ABCA1: variants seen among roughly 807,000 people sequenced by gnomAD.
ABCA1 encodes phospholipid-transporting ATPase ABCA1.
Under a neutral mutation model 262.5 loss-of-function variants are expected in ABCA1, and 133 were observed. The ratio of observed to expected loss-of-function variants is 0.51; its 90% CI spans 0.44 to 0.59. ABCA1 has a LOEUF of 0.59. Among genes scored for constraint, ABCA1 ranks in the 20% least tolerant of loss-of-function variants. The pLI is 0.00. For missense variants in ABCA1, 2,452 were observed against 2,777.5 expected, an observed-to-expected ratio of 0.88 and a Z score of 2.63; for synonymous variants, 1,022 against 1,043.5, an observed-to-expected ratio of 0.98 and a Z score of 0.40.
chr9:104,798,523 G>C lies in ABCA1; in HGVS notation c.5019C>G (p.Val1673=), dbSNP rs371136175. ...FAMSFVPASF[V]VFLIQERVSK... ...TGACCCGCTCCTGGATCAGGAATAC[G>C]ACAAAGCTGGCTGGGACGAAGGACA... Residue 1673 remains valine (V), a synonymous_variant, in exon 37 of 50, where the codon GTC becomes GTG. Transcript: ENST00000374736. The C allele has an allele frequency of 1.2e-6, 2 of 1,614,030 alleles. No homozygotes were observed. Among genetic ancestry groups the C allele is most frequent in the Non-Finnish European group, 8.5e-7 (1 of 1,180,018 alleles).
chr9:104,799,839 C>G lies in ABCA1; in HGVS notation c.4923G>C (p.Gln1641His). Residue 1641 changes from glutamine (Q) to histidine (H), a missense_variant, in exon 36 of 50, where the codon CAG becomes CAC. Around this residue, in one of 4 missense-constraint regions of ABCA1, gnomAD observed 752 missense variants for 944.5 expected, o/e 0.80. Coordinates refer to ENST00000374736, the MANE Select transcript of ABCA1 (RefSeq NM_005502.4). ...AFNHPLNLTK[Q>H]QLSEVALMTT... Reference sequence around the variant, plus strand: ...CTTACAGAGCCACCTCTGAGAGCTGCTGCTTGGTGAGATTCAGGGGATGAT... The same window carrying G: ...CTTACAGAGCCACCTCTGAGAGCTGGTGCTTGGTGAGATTCAGGGGATGAT... The G allele has an allele frequency of 6.2e-7, 1 of 1,614,200 alleles. No homozygotes were observed.
chr9:104,844,946 G>A (rs1192223277), intron 8 of ABCA1, among the ~76,000 whole-genome samples: 1 of 152,210 alleles, frequency 6.6e-6, no homozygotes, highest in Non-Finnish European at 1.5e-5. Context: ...TTGTCAACAT[G>A]TGGACCTAAA....
At position 104,884,859 on chromosome 9, in the gene ABCA1, CA is replaced by C. The variant is rs535709539; in HGVS notation, c.161-292del. Among the ~76,000 whole-genome samples the C allele has an allele frequency of 5.3e-3, 801 of 152,312 alleles. 4 individuals carry two copies. Among genetic ancestry groups the C allele is most frequent in the African/African-American group, 0.018 (735 of 41,578 alleles). The stretch of plus-strand genomic sequence containing the variant: ...CCTGGCATCCTTAGTTCCTCTTTGA[CA>C]GCCAGCCTCAGCTCTCAGACATAGA... On this transcript the variant is annotated intron_variant, in intron 3 of 49. Coordinates refer to ENST00000374736, the MANE Select transcript of ABCA1 (RefSeq NM_005502.4).
chr9:104,880,283 T>C (rs1439136960), intron 5 of ABCA1, among the ~76,000 whole-genome samples: 1 of 152,186 alleles, frequency 6.6e-6, no homozygotes, highest in Non-Finnish European at 1.5e-5. Context: ...TGGGGATCCA[T>C]ACTGACATAT....
chr9:104,859,964 G>C (rs1038156783), intron 6 of ABCA1, among the ~76,000 whole-genome samples: 1 of 148,300 alleles, frequency 6.7e-6, no homozygotes, highest in Non-Finnish European at 1.5e-5. Flanking sequence ...CTGAAGCAGA[G>C]AATCACTTGA....
chr9:104,862,416 T>TTTCAAGCAAGAATCAAAC (rs534562831), intron 5 of ABCA1, among the ~76,000 whole-genome samples: 2 of 151,782 alleles, frequency 1.3e-5, no homozygotes, highest in African/African-American at 4.8e-5. Flanking sequence ...GTCTTTCTCT[T>TTTCAAGCAAGAATCAAAC]CTAAATGATC....
intron 15 of ABCA1, among the ~76,000 whole-genome samples, chr9:104,827,821 T>C (rs1340672528): frequency 6.6e-6 from 1 of 152,204 alleles, no homozygotes; most frequent in Non-Finnish European, 1.5e-5. Flanking sequence ...TATCCTACTG[T>C]GGAACCTCAA....
At chr9:104,873,696 A>G (rs2119145467) in intron 5 of ABCA1, among the ~76,000 whole-genome samples, 1 of 152,294 alleles carries the variant, frequency 6.6e-6, no homozygotes, top group East Asian at 1.9e-4. Flanking sequence ...TATCCCCTGC[A>G]TTTTATGATG....
Position 104,832,731 on chromosome 9 carries a change from T to A in ABCA1, c.1352A>T (p.Gln451Leu). The A allele has an allele frequency of 6.2e-7, 1 of 1,614,234 alleles. No homozygotes were observed. The highest frequency in any genetic ancestry group is 1.1e-5 in the South Asian group (1 of 91,090). The change falls in exon 12 of 50, where the codon CAG (glutamine) becomes CTG (leucine). Residue 451 changes from glutamine to leucine, a missense_variant. By Grantham distance (113) the Gln-to-Leu change is moderately radical. Transcript: ENST00000374736. ...DSRDNDHFWE[Q>L]QLDGLDWTAQ... The stretch of plus-strand genomic sequence containing the variant: ...TGTCCAATCTAAGCCATCCAACTGC[T>A]GTTCCCAAAAGTGGTCATTGTCCCT...
chr9:104,825,274 G>A (rs1313191750), intron 17 of ABCA1, among the ~76,000 whole-genome samples: 2 of 152,160 alleles, frequency 1.3e-5, no homozygotes, highest in Non-Finnish European at 2.9e-5. Context: ...GATTCGCCTG[G>A]GCTTATTGAC....
At position 104,781,680 on chromosome 9, in the gene ABCA1, T is replaced by C. The variant is rs1241172343; in HGVS notation, c.*2635A>G. 10 of 152,626 alleles carry C rather than the reference T, an allele frequency of 6.6e-5. No homozygotes were observed. The highest frequency in any genetic ancestry group is 6.5e-4 in the Admixed American group (10 of 15,290). 9.5% of individuals were successfully genotyped at this position (152,626 alleles called of 1,614,324 possible). A position where few individuals can be genotyped will look rare whatever the true frequency, so the allele number is the denominator to read the frequency against. On this transcript the variant is annotated 3_prime_UTR_variant, in exon 50 of 50. Transcript: ENST00000374736. Reference sequence around the variant, plus strand: ...ATGAATTGTGCTGGGCATTTATGTATAGAGGGCTTATTATTTTCTTCTGTA... The same window carrying C: ...ATGAATTGTGCTGGGCATTTATGTACAGAGGGCTTATTATTTTCTTCTGTA...
At chr9:104,925,375 CAA>C (rs576630245) in intron 1 of ABCA1, among the ~76,000 whole-genome samples, 6 of 123,164 alleles carry the variant, frequency 4.9e-5, no homozygotes, top group Non-Finnish European at 5.1e-5. Flanking sequence ...GACTGCATCT[CAA>C]AAAAAAAAAA....
At position 104,831,771 on chromosome 9, in the gene ABCA1, C is replaced by T. The variant is rs764419635; in HGVS notation, c.1566G>A (p.Lys522=). ...PIATEVWLIN[K]SMELLDERKF... ...TCCTCTCATCCAGCAGCTCCATGGA[C>T]TTGTTGATGAGCCAGACTTCTGTTG... is the stretch of plus-strand genomic sequence containing the variant. Residue 522 remains lysine (K), a synonymous_variant, in exon 13 of 50, where the codon AAG becomes AAA. Transcript: ENST00000374736. 9 of 1,614,194 alleles carry T rather than the reference C, an allele frequency of 5.6e-6. No homozygotes were observed. The East Asian group carries it at 1.8e-4, about 32-fold the overall frequency.
Position 104,833,996 on chromosome 9 carries a change from G to A in ABCA1, c.1312-1225C>T, listed in dbSNP as rs560875311. Among the ~76,000 whole-genome samples the A allele has an allele frequency of 1.3e-5, 2 of 150,638 alleles. 1 individual carries two copies. Among genetic ancestry groups the A allele is most frequent in the Admixed American group, 1.3e-4 (2 of 15,038 alleles). On this transcript the variant is annotated intron_variant, in intron 11 of 49. Coordinates refer to ENST00000374736, the MANE Select transcript of ABCA1 (RefSeq NM_005502.4). ...CTCCTGTCACAGCTTCGACAGAGAA[G>A]ATGAAGCTCTGGTTCTACCGAATTG...
chr9:104,788,081 T>G, intron 45 of ABCA1, 27 bp from the exon 46 acceptor site: 1 of 1,611,782 alleles, frequency 6.2e-7, no homozygotes, highest in Non-Finnish European at 8.5e-7. Context: ...CACCTTGACT[T>G]TGGTCTGGCT....
In ABCA1 at chr9:104,822,537, G is replaced by T. The variant is rs1371725719; in HGVS notation, c.2787C>A (p.Thr929=). 6.2e-7 allele frequency: 1 copy of T among 1,614,036 alleles called. No individual in the cohort carries two copies. Among genetic ancestry groups the T allele is most frequent in the African/African-American group, 1.3e-5 (1 of 75,018 alleles). Reference sequence around the variant, plus strand: ...CCGCTCCATTGTGGCCCAGGAAGGAGGTGATCTGGCCCTCATAAAAATTCA... The same window carrying T: ...CCGCTCCATTGTGGCCCAGGAAGGATGTGATCTGGCCCTCATAAAAATTCA... ...LALNFYEGQI[T]SFLGHNGAGK... is the part of the protein sequence containing the mutation. The change falls in exon 19 of 50, where the codon ACC becomes ACA. Residue 929 remains threonine (T), a synonymous_variant. Coordinates refer to ENST00000374736, the MANE Select transcript of ABCA1 (RefSeq NM_005502.4).
intron 44 of ABCA1, among the ~76,000 whole-genome samples, chr9:104,790,096 CA>C (rs35840899): frequency 8.1e-4 from 109 of 135,132 alleles, no homozygotes; most frequent in Admixed American, 6.8e-4. Flanking sequence ...AACTCCGTCT[CA>C]AAAAAAAAAA....
Position 104,785,414 on chromosome 9 carries a change from A to G in ABCA1, c.6627T>C (p.Ser2209=). The G allele has an allele frequency of 6.2e-7, 1 of 1,614,050 alleles. No homozygotes were observed. The highest frequency in any genetic ancestry group is 8.5e-7 in the Non-Finnish European group (1 of 1,179,936). Reference sequence around the variant, plus strand: ...AGCTTACTTGGTCAAGTGTTGTCTGAGAAACAGAGTAGTCTTCTATGTGGA... The same window carrying G: ...AGCTTACTTGGTCAAGTGTTGTCTGGGAAACAGAGTAGTCTTCTATGTGGA... The part of the protein sequence containing the change: ...KRLHIEDYSV[S]QTTLDQVFVN... Residue 2209 remains serine, a synonymous_variant, in exon 49 of 50, where the codon TCT becomes TCC. Coordinates refer to ENST00000374736, the MANE Select transcript of ABCA1 (RefSeq NM_005502.4).
At position 104,861,842 on chromosome 9, in the gene ABCA1, C is replaced by CAA. The variant is rs34203904; in HGVS notation, c.422-44_422-43dup. The CAA allele has an allele frequency of 1.3e-3, 1,796 of 1,338,180 alleles. 1 individual carries two copies. The highest frequency in any genetic ancestry group is 5.9e-3 in the African/African-American group (369 of 62,754). 82.9% of individuals were successfully genotyped at this position (1,338,180 alleles called of 1,614,324 possible). Reference sequence around the variant, plus strand: ...TTTTATTTTTATTTAGTAAGTAACTCAAAAAAAAAAAAAAAGTGGGCACAA... The same window carrying CAA: ...TTTTATTTTTATTTAGTAAGTAACTCAAAAAAAAAAAAAAAAAGTGGGCACAA... On this transcript the variant is annotated intron_variant, in intron 5 of 49. Transcript: ENST00000374736.
Sources: gnomAD v4.1 joint callset for allele counts (sites outside exome capture counted in the v4.1 genomes callset) on GRCh38, gnomAD v4.1.1 for gene constraint, gnomAD v4.1.1 regional missense constraint, MANE v1.5 for transcripts, NCBI Gene and HGNC (gene_info 2026-07-23, HGNC 2026-07-21) for gene names.